The following KCNQ1 variants were observed in gnomAD, a reference collection of about 807,000 sequenced individuals.
KCNQ1 encodes the protein potassium voltage-gated channel subfamily KQT member 1.
In KCNQ1, 49 loss-of-function variants were observed where a neutral mutation model predicts 72.4. The observed-to-expected ratio is 0.68, with a 90% CI of 0.54 to 0.86. KCNQ1 has a LOEUF of 0.86. KCNQ1 is among the 40% of genes least tolerant of loss of function. The pLI is 0.00. For synonymous variants in KCNQ1, 450 were observed against 412.6 expected (o/e 1.09, Z -1.10); for missense variants, 790 against 945.1 (o/e 0.84, Z 2.15).
At chr11:2,615,387 CTGTT>C (rs1385429934) in intron 10 of KCNQ1, 4 of 397,746 alleles carry the variant, frequency 1.0e-5, no homozygotes, top group Non-Finnish European at 8.9e-6. Context: ...ATTCATTTAC[CTGTT>C]TGTTTATTTA....
intron 15 of KCNQ1, among the ~76,000 whole-genome samples, chr11:2,822,272 C>T (rs922505230): frequency 7.2e-5 from 11 of 152,208 alleles, no homozygotes; most frequent in African/African-American, 1.2e-4. Context: ...ATGTCACACA[C>T]GTGTTGCGCT....
intron 11 of KCNQ1, among the ~76,000 whole-genome samples, chr11:2,738,355 G>A (rs1256492816): frequency 6.6e-6 from 1 of 152,196 alleles, no homozygotes; most frequent in Non-Finnish European, 1.5e-5. Flanking sequence ...TCTGAGGGAG[G>A]TGACATTTGT....
intron 15 of KCNQ1, among the ~76,000 whole-genome samples, chr11:2,788,108 G>A (rs233439): frequency 6.6e-6 from 1 of 152,152 alleles, no homozygotes; most frequent in Non-Finnish European, 1.5e-5. Flanking sequence ...CCATACGGGA[G>A]AGCACACTCC....
At chr11:2,777,913 C>A (rs1846739395) in intron 14 of KCNQ1, 63 bp from the exon 15 acceptor site, 1 of 1,499,066 alleles carries the variant, frequency 6.7e-7, no homozygotes, top group African/African-American at 1.4e-5. Context: ...CTTCCCAAGC[C>A]CAGCTGGGGT....
intron 1 of KCNQ1, among the ~76,000 whole-genome samples, chr11:2,506,898 A>T (rs1847114013): frequency 6.6e-6 from 1 of 152,066 alleles, no homozygotes; most frequent in African/African-American, 2.4e-5. Flanking sequence ...TCTCATTTCC[A>T]ACTTCTTCCA....
chr11:2,656,538 C>T (rs941998485), intron 10 of KCNQ1: 20 of 398,678 alleles, frequency 5.0e-5, no homozygotes, highest in African/African-American at 1.2e-4. Flanking sequence ...GCTAGTCAGG[C>T]GCAACACCTT....
chr11:2,842,977 G>A (rs1174489341), intron 15 of KCNQ1, among the ~76,000 whole-genome samples: 2 of 152,188 alleles, frequency 1.3e-5, no homozygotes, highest in South Asian at 2.1e-4. Context: ...GCAGAGGCAG[G>A]ATCTGACCCC....
rs775961251 is a variant in KCNQ1, at chr11:2,746,466, C to T, written c.1515-22378C>T. Among the ~76,000 whole-genome samples, 7 of 152,156 alleles carry T rather than the reference C, an allele frequency of 4.6e-5. No individual in the cohort carries two copies. The highest frequency in any genetic ancestry group is 7.2e-5 in the African/African-American group (3 of 41,422). ...AGGGTCCCATGTGACATTCCTCATC[C>T]GTCTCCCTGGGCTCCTCTGGGCGGT... On this transcript the variant is annotated intron_variant, in intron 11 of 15. Transcript: ENST00000155840. The surrounding 1 kb of genome is among the most constrained non-coding windows in gnomAD (Gnocchi z 5.9).
intron 2 of KCNQ1, among the ~76,000 whole-genome samples, chr11:2,535,104 A>G (rs761228696): frequency 6.6e-6 from 1 of 152,238 alleles, no homozygotes; most frequent in South Asian, 2.1e-4. Context: ...ATGAGCCTGT[A>G]GGAGAAACTT....
intron 10 of KCNQ1, chr11:2,610,715 GCT>G (rs1848965705): frequency 6.0e-6 from 2 of 332,332 alleles, no homozygotes; most frequent in East Asian, 4.1e-5. Context: ...TTCTTGGTTG[GCT>G]TTTTTTTTTT....
Position 2,613,976 on chromosome 11 carries a change from A to G in KCNQ1, c.1393+25122A>G. On this transcript the variant is annotated intron_variant, in intron 10 of 15. Transcript: ENST00000155840. The surrounding 1 kb of genome is among the most constrained non-coding windows in gnomAD (Gnocchi z 4.8). ...CAACATCTCCTAGAAATCACTCAAC[A>G]TCCATTCACAGAGATCTTTCTCATT... 1.3e-5 allele frequency: 5 copies of G among 398,624 alleles called. No individual in the cohort carries two copies. Among genetic ancestry groups the G allele is most frequent in the Non-Finnish European group, 2.2e-5 (5 of 226,066 alleles). The allele number at this position is 398,624 out of a possible 1,614,324, so 24.7% of individuals were successfully genotyped here.
chr11:2,700,002 G>T, intron 11 of KCNQ1: 1 of 398,258 alleles, frequency 2.5e-6, no homozygotes, highest in Non-Finnish European at 4.4e-6. Context: ...TCTGCCTGGA[G>T]ACTGCGGCAG....
chr11:2,757,973 T>TA, intron 11 of KCNQ1, among the ~76,000 whole-genome samples: 1 of 151,974 alleles, frequency 6.6e-6, no homozygotes. Context: ...AGAAAAAACA[T>TA]AGAGGAGATA....
rs1847451736 is a variant in KCNQ1, at chr11:2,809,805, T to C, written c.1794+31768T>C. On this transcript the variant is annotated intron_variant, in intron 15 of 15. Transcript: ENST00000155840. The surrounding 1 kb of genome is among the most constrained non-coding windows in gnomAD (Gnocchi z 7.1). ...TGAGCTCTTCCCTCTCTGTCTCTAA[T>C]TGATGTGTTTTCCTCCCAAACCCTC... is the stretch of plus-strand genomic sequence containing the variant. Among the ~76,000 whole-genome samples, 1 of 152,170 alleles carries C rather than the reference T, an allele frequency of 6.6e-6. No homozygotes were observed. The highest frequency in any genetic ancestry group is 2.1e-4 in the South Asian group (1 of 4,830).
chr11:2,618,135 T>A, intron 10 of KCNQ1: 3 of 398,530 alleles, frequency 7.5e-6, no homozygotes, highest in Non-Finnish European at 1.3e-5. Context: ...CTATGTTTTC[T>A]TCTGGTTGTG....
intron 11 of KCNQ1, chr11:2,672,129 C>T: frequency 1.3e-5 from 5 of 398,748 alleles, no homozygotes; most frequent in Non-Finnish European, 2.2e-5. Flanking sequence ...CCCACCTAAT[C>T]CTCCCTCTTT....
chr11:2,633,189 C>G (rs1392070835), intron 10 of KCNQ1: 1 of 398,398 alleles, frequency 2.5e-6, no homozygotes, highest in Non-Finnish European at 4.4e-6. Context: ...TTTCACATAC[C>G]TGTTGGCCAG....
rs1847848673 is a variant in KCNQ1, at chr11:2,826,703, G to A, written c.1795-21064G>A. Among the ~76,000 whole-genome samples, 1 of 152,204 alleles carries A rather than the reference G, an allele frequency of 6.6e-6. No individual in the cohort carries two copies. Among genetic ancestry groups the A allele is most frequent in the African/African-American group, 2.4e-5 (1 of 41,448 alleles). ...GGTGCAGAGGGCCAGAGAGGCACGG[G>A]GCTCCCCTGGGCACCCCTCGTCTTG... On this transcript the variant is annotated intron_variant, in intron 15 of 15. Transcript: ENST00000155840. The surrounding 1 kb of genome is among the most constrained non-coding windows in gnomAD (Gnocchi z 4.2).
chr11:2,607,400 C>T (rs994501449), intron 10 of KCNQ1, among the ~76,000 whole-genome samples: 8 of 152,074 alleles, frequency 5.3e-5, no homozygotes, highest in African/African-American at 1.5e-4. Context: ...ATGTTGAAAT[C>T]CTAACCCCCA....
Sources: gnomAD v4.1 joint callset for allele counts (sites outside exome capture counted in the v4.1 genomes callset) on GRCh38, gnomAD v4.1.1 for gene constraint, Gnocchi (gnomAD v3.1) non-coding constraint, MANE v1.5 for transcripts, NCBI Gene and HGNC (gene_info 2026-07-23, HGNC 2026-07-21) for gene names.